UGT2B7: variants seen among roughly 807,000 people sequenced by gnomAD.
UGT2B7 encodes UDP glucuronosyltransferase family 2 member B7.
A neutral mutation model predicts 51.9 loss-of-function variants in UGT2B7; 51 were observed. The observed-to-expected ratio is 0.98, with a 90% CI of 0.78 to 1.24. The LOEUF (loss-of-function observed/expected upper bound fraction) is 1.24, where lower values mean the gene tolerates loss of function less well. Ranked by LOEUF, UGT2B7 falls within the 50% of genes most tolerant of loss-of-function variation. The probability of loss-of-function intolerance (pLI) is 0.00; values close to 1 mark genes in which losing one functional copy is unlikely to be tolerated. For missense variants in UGT2B7, 727 were observed against 628.4 expected, an observed-to-expected ratio of 1.16 and a Z score of -1.68; for synonymous variants, 225 against 211.6, an observed-to-expected ratio of 1.06 and a Z score of -0.55.
intron 1 of UGT2B7, among the ~76,000 whole-genome samples, chr4:69,068,238 C>T (rs924546682): frequency 6.6e-6 from 1 of 151,882 alleles, no homozygotes; most frequent in Non-Finnish European, 1.5e-5. Flanking sequence ...GATTTTTACA[C>T]TACATTTTGA....
At chr4:69,101,923 T>A (rs1488216545) in intron 2 of UGT2B7, among the ~76,000 whole-genome samples, 1 of 152,162 alleles carries the variant, frequency 6.6e-6, no homozygotes, top group Admixed American at 6.6e-5. Flanking sequence ...CCTCTTCTGT[T>A]CTGGTGCAAG....
chr4:69,094,315 A>AT (rs1194365674), upstream of UGT2B7, among the ~76,000 whole-genome samples: 114 of 65,122 alleles, frequency 1.8e-3, 29 homozygotes, highest in Non-Finnish European at 1.7e-3. Flanking sequence ...AATTTTTTGT[A>AT]TTTTTTTTTT....
At chr4:69,096,103 T>A (rs934926184), upstream of UGT2B7, among the ~76,000 whole-genome samples, 2 of 152,202 alleles carry the variant, frequency 1.3e-5, no homozygotes, top group African/African-American at 4.8e-5. Flanking sequence ...AGTATGATAT[T>A]TAAATTACAT....
intron 1 of UGT2B7, among the ~76,000 whole-genome samples, chr4:69,084,901 G>A (rs968169830): frequency 2.6e-5 from 4 of 152,078 alleles, no homozygotes; most frequent in African/African-American, 4.8e-5. Context: ...CTAAATCCTT[G>A]CTATTGTGAA....
chr4:69,072,762 TG>T (rs1248886312), intron 1 of UGT2B7, among the ~76,000 whole-genome samples: 2 of 152,110 alleles, frequency 1.3e-5, no homozygotes, highest in African/African-American at 4.8e-5. Context: ...TTCAACTAGC[TG>T]GCAAAGGAGG....
At chr4:69,109,987 T>A (rs546026991) in intron 5 of UGT2B7, among the ~76,000 whole-genome samples, 5 of 151,776 alleles carry the variant, frequency 3.3e-5, no homozygotes, top group African/African-American at 7.2e-5. Context: ...AGAAAAAAAA[T>A]ATATAAAGCA....
At chr4:69,096,050 A>G (rs1719213455), upstream of UGT2B7, among the ~76,000 whole-genome samples, 1 of 152,220 alleles carries the variant, frequency 6.6e-6, no homozygotes, top group Admixed American at 6.5e-5. Flanking sequence ...CAATTCTGTG[A>G]ATATACTATG....
At chr4:69,073,676 C>G (rs1718645004) in intron 1 of UGT2B7, among the ~76,000 whole-genome samples, 1 of 152,036 alleles carries the variant, frequency 6.6e-6, no homozygotes, top group Non-Finnish European at 1.5e-5. Context: ...TTGAATAGGT[C>G]ATAAATGCTT....
At chr4:69,096,054 T>C (rs1719213702), upstream of UGT2B7, among the ~76,000 whole-genome samples, 3 of 152,196 alleles carry the variant, frequency 2.0e-5, no homozygotes, top group South Asian at 6.2e-4. Context: ...TCTGTGAATA[T>C]ACTATGAAAC....
rs150945880 is a variant in UGT2B7 at position 69,100,057 on chromosome 4, T to C, written c.870+1369T>C. On this transcript the variant is annotated intron_variant, in intron 2 of 5. Transcript: ENST00000305231. ...GACAAACTTAGTGTTCACTTGATCT[T>C]ACTAAAGCATTTAAATCATTCTTCA... Among the ~76,000 whole-genome samples the C allele has an allele frequency of 3.5e-4, 54 of 152,148 alleles. No homozygotes were observed. The East Asian group carries it at 6.2e-3, about 17-fold the overall frequency.
chr4:69,112,600 G>T lies in UGT2B7; in HGVS notation c.1454G>T (p.Trp485Leu). 2 of 1,613,906 alleles carry T rather than the reference G, an allele frequency of 1.2e-6. No individual in the cohort carries two copies. The highest frequency in any genetic ancestry group is 1.7e-6 in the Non-Finnish European group (2 of 1,179,872). Residue 485 changes from tryptophan (W) to leucine (L), a missense_variant, in exon 6 of 6, where the codon TGG becomes TTG. Coordinates refer to ENST00000305231, the MANE Select transcript of UGT2B7 (RefSeq NM_001074.4). Reference protein sequence around the residue: ...HLRVAAHDLTWFQYHSLDVIG... With the variant: ...HLRVAAHDLTLFQYHSLDVIG... The stretch of plus-strand genomic sequence containing the variant: ...CGGGTTGCAGCCCACGACCTCACCT[G>T]GTTCCAGTACCACTCTTTGGATGTG...
At chr4:69,100,332 ATT>A (rs35185848) in intron 2 of UGT2B7, among the ~76,000 whole-genome samples, 7 of 151,600 alleles carry the variant, frequency 4.6e-5, no homozygotes, top group African/African-American at 1.7e-4. Flanking sequence ...ATAAGATTAT[ATT>A]TTTTATGAAG....
intron 1 of UGT2B7, among the ~76,000 whole-genome samples, chr4:69,059,390 T>C (rs796464263): frequency 2.2e-4 from 34 of 152,318 alleles, no homozygotes; most frequent in African/African-American, 7.2e-4. Flanking sequence ...GGAAGAGACC[T>C]ACTTCAAAAA....
chr4:69,074,361 G>T (rs1247937008), intron 1 of UGT2B7, among the ~76,000 whole-genome samples: 1 of 151,004 alleles, frequency 6.6e-6, no homozygotes, highest in Non-Finnish European at 1.5e-5. Flanking sequence ...GGTTGAGGCT[G>T]CAGTGAGCCC....
At chr4:69,093,758 C>A (rs7437039), upstream of UGT2B7, among the ~76,000 whole-genome samples, 1 of 151,944 alleles carries the variant, frequency 6.6e-6, no homozygotes, top group Non-Finnish European at 1.5e-5. Context: ...CTCACCACTT[C>A]CCTGGGTGAG....
chr4:69,059,775 C>T (rs188123528), intron 1 of UGT2B7, among the ~76,000 whole-genome samples: 20 of 152,304 alleles, frequency 1.3e-4, no homozygotes, highest in Admixed American at 9.1e-4. Context: ...CTTGCCAGTG[C>T]GGAAGCCGTC....
chr4:69,060,142 C>T (rs1050504976), intron 1 of UGT2B7, among the ~76,000 whole-genome samples: 32 of 152,306 alleles, frequency 2.1e-4, no homozygotes, highest in South Asian at 1.4e-3. Context: ...CTAGCAGCCC[C>T]GACCTGAGAG....
At chr4:69,077,598 A>G (rs1413076767) in intron 1 of UGT2B7, among the ~76,000 whole-genome samples, 1 of 149,886 alleles carries the variant, frequency 6.7e-6, no homozygotes, top group Admixed American at 6.7e-5. Context: ...TTATTGGTGT[A>G]TAGGAATGCT....
At chr4:69,054,951 C>T (rs1718143158) in intron 1 of UGT2B7, among the ~76,000 whole-genome samples, 1 of 151,800 alleles carries the variant, frequency 6.6e-6, no homozygotes, top group South Asian at 2.1e-4. Flanking sequence ...TGCCTAGGAA[C>T]TCCAAAAGGA....
Sources: gnomAD v4.1 joint callset for allele counts (sites outside exome capture counted in the v4.1 genomes callset) on GRCh38, gnomAD v4.1.1 for gene constraint, MANE v1.5 for transcripts, NCBI Gene and HGNC (gene_info 2026-07-23, HGNC 2026-07-21) for gene names.